Variants in STAG1 observed in about 807,000 individuals in gnomAD.
STAG1 encodes cohesin subunit SA-1.
In STAG1, 26 loss-of-function variants were observed where a neutral mutation model predicts 170.9. The ratio of observed to expected loss-of-function variants is 0.15; its 90% confidence interval spans 0.11 to 0.21. The LOEUF (loss-of-function observed/expected upper bound fraction) is 0.21. Ranked by LOEUF, STAG1 falls within the 10% of genes least tolerant of loss-of-function variation. The pLI, the probability that STAG1 is intolerant of heterozygous loss-of-function variation, is 1.00. For missense variants in STAG1, 964 were observed against 1,509.5 expected (o/e 0.64, Z 5.99); for synonymous variants, 514 against 497.7 (o/e 1.03, Z -0.44).
chr3:136,340,456 T>C, intron 32 of STAG1, 35 bp downstream of exon 32: 1 of 1,432,468 alleles, frequency 7.0e-7, no homozygotes, highest in Non-Finnish European at 9.9e-7. Flanking sequence ...CCCCCACATA[T>C]TTTAACAAAA....
At chr3:136,353,164 TGAA>T (rs1936501472) in intron 28 of STAG1, among the ~76,000 whole-genome samples, 1 of 152,126 alleles carries the variant, frequency 6.6e-6, no homozygotes, top group African/African-American at 2.4e-5. Flanking sequence ...TTATGCCATC[TGAA>T]GAAGAGAGAG....
chr3:136,502,188 A>G (rs911949924), intron 8 of STAG1, among the ~76,000 whole-genome samples: 3 of 152,174 alleles, frequency 2.0e-5, no homozygotes, highest in Non-Finnish European at 4.4e-5. Context: ...CCCAAAAAAA[A>G]AACAGTATAA....
chr3:136,657,834 A>G (rs1380191948), intron 1 of STAG1, among the ~76,000 whole-genome samples: 1 of 152,152 alleles, frequency 6.6e-6, no homozygotes, highest in Non-Finnish European at 1.5e-5. Flanking sequence ...AAAACAAACA[A>G]ACAAAAAAGG....
intron 1 of STAG1, among the ~76,000 whole-genome samples, chr3:136,632,049 G>A (rs76578737): frequency 0.069 from 10,565 of 152,112 alleles, 631 homozygotes; most frequent in Admixed American, 0.12. Flanking sequence ...ACAAAGATCA[G>A]TATCAGTCTT....
intron 1 of STAG1, among the ~76,000 whole-genome samples, chr3:136,652,515 A>G (rs1941251744): frequency 6.6e-6 from 1 of 152,236 alleles, no homozygotes; most frequent in South Asian, 2.1e-4. Context: ...GACGCCTATT[A>G]CCACTGCTAC....
At chr3:136,748,083 T>C (rs1935039994) in intron 1 of STAG1, among the ~76,000 whole-genome samples, 2 of 149,852 alleles carry the variant, frequency 1.3e-5, no homozygotes, top group African/African-American at 2.4e-5. Flanking sequence ...CCAAGAATTA[T>C]GTAATTTTTA....
chr3:136,688,247 T>C (rs1169326787), intron 1 of STAG1, among the ~76,000 whole-genome samples: 1 of 152,106 alleles, frequency 6.6e-6, no homozygotes, highest in East Asian at 1.9e-4. Context: ...CAGGGAGCAA[T>C]ATGAACCCTT....
chr3:136,500,479 T>C (rs905019454), intron 8 of STAG1, among the ~76,000 whole-genome samples, 183 bp from the exon 9 acceptor site: 6 of 152,200 alleles, frequency 3.9e-5, no homozygotes, highest in Non-Finnish European at 7.3e-5. Context: ...TATATCATAT[T>C]GGTTTTAGAA....
chr3:136,523,004 T>C (rs1028252718), intron 6 of STAG1, among the ~76,000 whole-genome samples: 8 of 152,176 alleles, frequency 5.3e-5, no homozygotes, highest in Non-Finnish European at 1.2e-4. Context: ...GTCTTTGCTA[T>C]TGTGAATAGT....
intron 25 of STAG1, among the ~76,000 whole-genome samples, chr3:136,366,359 A>G (rs1488167644): frequency 6.6e-6 from 1 of 152,104 alleles, no homozygotes; most frequent in Non-Finnish European, 1.5e-5. Flanking sequence ...GCTACATTAT[A>G]TTATGTTTAG....
At chr3:136,349,042 A>G in intron 29 of STAG1, 116 bp downstream of exon 29, 1 of 803,400 alleles carries the variant, frequency 1.2e-6, no homozygotes, top group Non-Finnish European at 2.0e-6. Context: ...CATTGTGAAT[A>G]AAATATACAA....
intron 5 of STAG1, among the ~76,000 whole-genome samples, chr3:136,555,145 A>G (rs1050281721): frequency 3.4e-5 from 5 of 148,690 alleles, no homozygotes; most frequent in African/African-American, 1.2e-4. Context: ...GGAATATTAT[A>G]AACAACTTTA....
intron 22 of STAG1, among the ~76,000 whole-genome samples, chr3:136,397,408 TACC>T (rs2087196297): frequency 6.6e-6 from 1 of 152,174 alleles, no homozygotes; most frequent in Non-Finnish European, 1.5e-5. Context: ...GGTTGGGGAT[TACC>T]ACCATTATAG....
chr3:136,745,294 T>C (rs1473126286), intron 1 of STAG1, among the ~76,000 whole-genome samples: 2 of 152,094 alleles, frequency 1.3e-5, no homozygotes, highest in African/African-American at 2.4e-5. Context: ...ACACCTACTA[T>C]GGACTCACAA....
chr3:136,489,825 C>T (rs1021618368), intron 9 of STAG1, among the ~76,000 whole-genome samples: 1 of 152,064 alleles, frequency 6.6e-6, no homozygotes, highest in African/African-American at 2.4e-5. Flanking sequence ...ATAAATACTA[C>T]CTTAGCGAGT....
chr3:136,599,897 T>G (rs1452986813), intron 4 of STAG1, among the ~76,000 whole-genome samples: 1 of 152,246 alleles, frequency 6.6e-6, no homozygotes, highest in Non-Finnish European at 1.5e-5. Flanking sequence ...ATATTCATTA[T>G]TTTATTATTT....
intron 22 of STAG1, among the ~76,000 whole-genome samples, chr3:136,391,270 T>C (rs984182065): frequency 2.0e-5 from 3 of 149,822 alleles, no homozygotes; most frequent in Non-Finnish European, 4.4e-5. Flanking sequence ...AATATAAGAC[T>C]ACAGAAAGCA....
chr3:136,601,057 C>T (rs1938652538), intron 4 of STAG1, among the ~76,000 whole-genome samples: 1 of 151,412 alleles, frequency 6.6e-6, no homozygotes, highest in Non-Finnish European at 1.5e-5. Flanking sequence ...GACAGGGTTT[C>T]ACCATGTTGG....
intron 16 of STAG1, among the ~76,000 whole-genome samples, chr3:136,427,673 A>C (rs2088171761): frequency 6.6e-6 from 1 of 152,118 alleles, no homozygotes; most frequent in Non-Finnish European, 1.5e-5. Flanking sequence ...AAAAAAAAAA[A>C]AAATTCTTAA....
Sources: allele counts gnomAD v4.1 joint callset (sites outside exome capture counted in the v4.1 genomes callset), GRCh38; gene constraint gnomAD v4.1.1; transcripts MANE v1.5; gene names NCBI Gene and HGNC (gene_info 2026-07-23, HGNC 2026-07-21).